FRAS1: variants seen among roughly 807,000 people sequenced by gnomAD.
The protein encoded by FRAS1 is extracellular matrix organizing protein FRAS1.
Under a neutral mutation model 435.2 loss-of-function variants are expected in FRAS1, and 290 were observed. The ratio of observed to expected loss-of-function variants is 0.67; its 90% CI spans 0.61 to 0.73. The LOEUF is 0.73. Ranked by LOEUF, FRAS1 falls within the 30% of genes least tolerant of loss-of-function variation. The pLI, the probability that FRAS1 is intolerant of heterozygous loss-of-function variation, is 0.00. For synonymous variants in FRAS1, 1,800 were observed against 1,851.0 expected (o/e 0.97, Z 0.71); for missense variants, 4,860 against 5,001.5 (o/e 0.97, Z 0.85).
At chr4:78,413,174 T>A in intron 32 of FRAS1, 89 bp downstream of exon 32, 1 of 705,500 alleles carries the variant, frequency 1.4e-6, no homozygotes. Flanking sequence ...GTTTTGTATA[T>A]AGTAAGTGCC....
intron 44 of FRAS1, among the ~76,000 whole-genome samples, chr4:78,448,702 C>A (rs183847568): frequency 1.0e-3 from 157 of 152,194 alleles, no homozygotes; most frequent in African/African-American, 3.7e-3. Context: ...TTTTAAGACG[C>A]TTATTTTTTT....
intron 31 of FRAS1, among the ~76,000 whole-genome samples, chr4:78,410,500 T>G (rs995841680): frequency 2.0e-5 from 3 of 152,132 alleles, no homozygotes; most frequent in Non-Finnish European, 2.9e-5. Context: ...TGAACATTAT[T>G]ACTTACAAAG....
chr4:78,069,331 G>T (rs949954927), intron 2 of FRAS1, among the ~76,000 whole-genome samples: 6 of 152,154 alleles, frequency 3.9e-5, no homozygotes, highest in African/African-American at 1.4e-4. Context: ...AGTTCATAAA[G>T]CATATCAAGC....
intron 24 of FRAS1, among the ~76,000 whole-genome samples, chr4:78,373,828 A>G (rs1278870265): frequency 6.6e-6 from 1 of 152,140 alleles, no homozygotes; most frequent in South Asian, 2.1e-4. Context: ...CATTCACTTT[A>G]TAGTTTATCT....
At chr4:78,303,465 C>G (rs184343185) in intron 14 of FRAS1, among the ~76,000 whole-genome samples, 1 of 152,106 alleles carries the variant, frequency 6.6e-6, no homozygotes, top group African/African-American at 2.4e-5. Flanking sequence ...GCTATTTTCA[C>G]GATATTGATT....
At chr4:78,536,176 G>A (rs1289125909) in intron 71 of FRAS1, among the ~76,000 whole-genome samples, 1 of 146,596 alleles carries the variant, frequency 6.8e-6, no homozygotes, top group African/African-American at 2.5e-5. Flanking sequence ...GAAGCATTCA[G>A]TATTTTGTAC....
At chr4:78,373,007 T>A in intron 24 of FRAS1, 149 bp downstream of exon 24, 1 of 916,544 alleles carries the variant, frequency 1.1e-6, no homozygotes, top group Non-Finnish European at 1.6e-6. Flanking sequence ...TTTGTTATCA[T>A]GAAAATTTCC....
intron 24 of FRAS1, among the ~76,000 whole-genome samples, chr4:78,373,664 C>A (rs1391416982): frequency 6.6e-6 from 1 of 151,748 alleles, no homozygotes; most frequent in East Asian, 1.9e-4. Context: ...GTAATCCCAG[C>A]TACTCAGGAA....
At chr4:78,153,275 A>G (rs772092184) in intron 2 of FRAS1, among the ~76,000 whole-genome samples, 5 of 151,948 alleles carry the variant, frequency 3.3e-5, no homozygotes, top group South Asian at 4.1e-4. Context: ...TATGAGCTCT[A>G]TGAGGACAGG....
At chr4:78,268,038 T>C (rs962600511) in intron 9 of FRAS1, among the ~76,000 whole-genome samples, 2 of 152,244 alleles carry the variant, frequency 1.3e-5, no homozygotes, top group African/African-American at 4.8e-5. Flanking sequence ...AGATGTACTG[T>C]ATGTTGGAGG....
chr4:78,456,967 C>T (rs1719221806), intron 47 of FRAS1, among the ~76,000 whole-genome samples: 1 of 152,196 alleles, frequency 6.6e-6, no homozygotes, highest in African/African-American at 2.4e-5. Context: ...ATTTCAGTCT[C>T]ACCCCACGTG....
At chr4:78,088,007 A>G (rs909391363) in intron 2 of FRAS1, among the ~76,000 whole-genome samples, 13 of 152,172 alleles carry the variant, frequency 8.5e-5, no homozygotes, top group Middle Eastern at 3.2e-3. Flanking sequence ...GAGGCATCAC[A>G]CTACCTGACT....
intron 2 of FRAS1, among the ~76,000 whole-genome samples, chr4:78,087,531 G>A (rs974368345): frequency 1.3e-5 from 2 of 152,084 alleles, no homozygotes; most frequent in Admixed American, 6.6e-5. Context: ...AAACCCCATG[G>A]TCTCAGCCCA....
rs766539773 is a variant in FRAS1, at chr4:78,282,888, C to G, written c.1176C>G (p.Tyr392Ter). 3 of 1,612,478 alleles carry G rather than the reference C, an allele frequency of 1.9e-6. No homozygotes were observed. The highest frequency in any genetic ancestry group is 2.5e-6 in the Non-Finnish European group (3 of 1,179,480). The change falls in exon 12 of 74, where the codon TAC becomes TAG. Residue 392 changes from tyrosine (Y) to a stop codon, truncating the protein, a stop_gained. Transcript: ENST00000512123. LOFTEE classifies it high-confidence loss of function. Reference protein sequence around the residue: ...CECRGAQVTCYEPSCPPCPVG... With the variant: ...CECRGAQVTC ...GCCGAGGGGCTCAGGTAACTTGCTACGAGCCCTCTTGCCCACCATGTCCAG... is the reference window on the plus strand; with the variant it reads ...GCCGAGGGGCTCAGGTAACTTGCTAGGAGCCCTCTTGCCCACCATGTCCAG...
At chr4:78,322,717 G>T (rs1163585487) in intron 18 of FRAS1, among the ~76,000 whole-genome samples, 1 of 152,052 alleles carries the variant, frequency 6.6e-6, no homozygotes, top group Non-Finnish European at 1.5e-5. Context: ...TGTGATGAGA[G>T]GACAAAAAAA....
intron 70 of FRAS1, among the ~76,000 whole-genome samples, chr4:78,528,394 T>C (rs572586303): frequency 4.7e-4 from 72 of 152,336 alleles, no homozygotes; most frequent in African/African-American, 1.7e-3. Flanking sequence ...AGATTCCTCG[T>C]GTGCCTTTGT....
chr4:78,477,267 G>A (rs1397864906), intron 54 of FRAS1, among the ~76,000 whole-genome samples: 2 of 152,066 alleles, frequency 1.3e-5, no homozygotes, highest in Non-Finnish European at 2.9e-5. Flanking sequence ...TGTTTGTTTG[G>A]TACTTTAAAA....
In FRAS1 at chr4:78,526,573, T is replaced by A; in HGVS notation, c.10841T>A (p.Leu3614Gln). The change falls in exon 70 of 74, where the codon CTG becomes CAG. Residue 3614 changes from leucine to glutamine, a missense_variant. By Grantham distance (113) the Leu-to-Gln change is moderately radical. Transcript: ENST00000512123. ...TACTCAGGAGAGTACACCATCTACC[T>A]GATCCCTTGCACAGTGCAGCCCACA... ...KDYSGEYTIY[L>Q]IPCTVQPTQP... The A allele has an allele frequency of 6.2e-7, 1 of 1,601,224 alleles. No homozygotes were observed. The highest frequency in any genetic ancestry group is 8.5e-7 in the Non-Finnish European group (1 of 1,174,110).
intron 29 of FRAS1, among the ~76,000 whole-genome samples, chr4:78,393,927 C>G (rs990018198): frequency 9.9e-5 from 15 of 151,824 alleles, no homozygotes; most frequent in African/African-American, 3.6e-4. Flanking sequence ...TTTTAGCCAT[C>G]CTGACAAGTG....
Sources: gnomAD v4.1 joint callset for allele counts (sites outside exome capture counted in the v4.1 genomes callset) on GRCh38, gnomAD v4.1.1 for gene constraint, MANE v1.5 for transcripts, NCBI Gene and HGNC (gene_info 2026-07-23, HGNC 2026-07-21) for gene names.